NBEA: variants seen among roughly 807,000 people sequenced by gnomAD.
NBEA encodes the protein lysosomal-trafficking regulator 2.
Under a neutral mutation model 343.4 loss-of-function variants are expected in NBEA, and 44 were observed. The ratio of observed to expected loss-of-function variants is 0.13; its 90% CI spans 0.10 to 0.16. The LOEUF is 0.16. Ranked by LOEUF, NBEA falls within the 10% of genes least tolerant of loss-of-function variation. The pLI is 1.00. For synonymous variants in NBEA, 1,175 were observed against 1,238.7 expected (o/e 0.95, Z 1.08); for missense variants, 2,555 against 3,631.3 (o/e 0.70, Z 7.62).
intron 28 of NBEA, among the ~76,000 whole-genome samples, 152 bp downstream of exon 28, chr13:35,177,255 C>A (rs1418236260): frequency 6.6e-6 from 1 of 151,830 alleles, no homozygotes; most frequent in Admixed American, 6.6e-5. Flanking sequence ...AATGGTTGAA[C>A]CTTAGCTTTC....
intron 25 of NBEA, among the ~76,000 whole-genome samples, chr13:35,170,924 C>T (rs1206923732): frequency 2.0e-5 from 3 of 151,696 alleles, no homozygotes; most frequent in African/African-American, 7.3e-5. Flanking sequence ...AATTTAAAAT[C>T]TTTATAAATT....
chr13:35,095,805 A>G (rs2065304002), intron 10 of NBEA, among the ~76,000 whole-genome samples: 1 of 151,906 alleles, frequency 6.6e-6, no homozygotes, highest in Non-Finnish European at 1.5e-5. Context: ...GTTCCTAGGT[A>G]TTGCTATACT....
At chr13:35,248,528 A>G (rs1339589932) in intron 34 of NBEA, among the ~76,000 whole-genome samples, 1 of 152,208 alleles carries the variant, frequency 6.6e-6, no homozygotes, top group Non-Finnish European at 1.5e-5. Context: ...AGTCAAAACA[A>G]TGTGGCACTG....
At chr13:35,127,496 T>G (rs906435747) in intron 17 of NBEA, among the ~76,000 whole-genome samples, 3 of 152,252 alleles carry the variant, frequency 2.0e-5, no homozygotes, top group African/African-American at 7.2e-5. Flanking sequence ...ATGCTAATAA[T>G]GTACAAATGA....
intron 36 of NBEA, among the ~76,000 whole-genome samples, chr13:35,338,855 T>C (rs919166159): frequency 9.9e-5 from 15 of 152,016 alleles, no homozygotes; most frequent in African/African-American, 3.1e-4. Flanking sequence ...TGAAAATCAA[T>C]CAACGTAATA....
At chr13:35,455,397 T>TA (rs529352383) in intron 40 of NBEA, among the ~76,000 whole-genome samples, 3,126 of 126,110 alleles carry the variant, frequency 0.025, 61 homozygotes, top group East Asian at 0.06. Flanking sequence ...TTTCTGTTTA[T>TA]AAAAAAAAAA....
intron 41 of NBEA, among the ~76,000 whole-genome samples, chr13:35,514,717 G>A (rs2077418112): frequency 6.6e-6 from 1 of 152,040 alleles, no homozygotes. Context: ...CAAAAAAGAG[G>A]TCGAAAATAA....
In NBEA at chr13:35,180,769, T is replaced by A. The variant is rs2071260258; in HGVS notation, c.4663-1591T>A. Among the ~76,000 whole-genome samples the A allele has an allele frequency of 2.6e-5, 4 of 151,760 alleles. No homozygotes were observed. The Admixed American group carries it at 2.6e-4, about 10-fold the overall frequency. ...GATTTGTGAGACTTTGATGCACCCATCACCTGATCAATATACACTGACCCC... is the reference window on the plus strand; with the variant it reads ...GATTTGTGAGACTTTGATGCACCCAACACCTGATCAATATACACTGACCCC... On this transcript the variant is annotated intron_variant, in intron 28 of 58. Transcript: ENST00000379939.
At chr13:35,324,154 A>G (rs981033334) in intron 36 of NBEA, among the ~76,000 whole-genome samples, 1 of 152,192 alleles carries the variant, frequency 6.6e-6, no homozygotes, top group Admixed American at 6.5e-5. Context: ...ACAGGAAGGT[A>G]TAGATGTTGT....
intron 33 of NBEA, among the ~76,000 whole-genome samples, chr13:35,223,459 T>TC (rs1474465902): frequency 3.3e-5 from 5 of 152,246 alleles, no homozygotes; most frequent in Non-Finnish European, 7.3e-5. Context: ...GGATTTCATC[T>TC]CATTTCTTCT....
chr13:35,056,878 T>G (rs148587438), intron 7 of NBEA, among the ~76,000 whole-genome samples: 203 of 152,244 alleles, frequency 1.3e-3, no homozygotes, highest in African/African-American at 4.5e-3. Flanking sequence ...CCTGCAGTAT[T>G]GAGAATATTT....
intron 33 of NBEA, among the ~76,000 whole-genome samples, chr13:35,224,100 G>T (rs912245301): frequency 6.6e-6 from 1 of 152,146 alleles, no homozygotes; most frequent in Non-Finnish European, 1.5e-5. Flanking sequence ...GGATCTGTCT[G>T]TTTTCCTCTT....
Position 35,044,931 on chromosome 13 carries a change from T to TTATTTTCC in NBEA, c.527-14_527-7dup, listed in dbSNP as rs771617158. ...CTCATGACTAGAGTTCAGAATAACT[T>TTATTTTCC]TATTTTCCTTTGAAGATCTTCTAGT... On this transcript the variant is annotated splice_polypyrimidine_tract_variant and intron_variant, in intron 2 of 58. Coordinates refer to ENST00000379939, the MANE Select transcript of NBEA (RefSeq NM_001385012.1). The TTATTTTCC allele has an allele frequency of 6.3e-7, 1 of 1,594,314 alleles. No individual in the cohort carries two copies. The highest frequency in any genetic ancestry group is 8.6e-7 in the Non-Finnish European group (1 of 1,167,416).
At chr13:35,608,600 A>T (rs1222481784) in intron 48 of NBEA, among the ~76,000 whole-genome samples, 1 of 152,188 alleles carries the variant, frequency 6.6e-6, no homozygotes, top group Non-Finnish European at 1.5e-5. Flanking sequence ...TTCTGAGTGA[A>T]TGAATGAATT....
intron 6 of NBEA, among the ~76,000 whole-genome samples, chr13:35,054,050 T>C (rs1380089037): frequency 6.6e-6 from 1 of 152,134 alleles, no homozygotes; most frequent in African/African-American, 2.4e-5. Context: ...ATGAGTACTT[T>C]TTTTAATAGT....
At chr13:35,143,926 T>G (rs1253221121) in intron 18 of NBEA, among the ~76,000 whole-genome samples, 1 of 151,788 alleles carries the variant, frequency 6.6e-6, no homozygotes, top group Non-Finnish European at 1.5e-5. Context: ...AAAAACAAAT[T>G]TACACTTCTC....
rs759073741 is a variant in NBEA at position 35,159,683 on chromosome 13, T to C, written c.3512T>C (p.Ile1171Thr). The C allele has an allele frequency of 5.0e-6, 8 of 1,612,586 alleles. No individual in the cohort carries two copies. The highest frequency in any genetic ancestry group is 1.3e-5 in the African/African-American group (1 of 75,020). The change falls in exon 22 of 59, where the codon ATT (isoleucine) becomes ACT (threonine). Residue 1171 changes from isoleucine (I) to threonine (T), a missense_variant. This residue lies in a region of NBEA where 367 missense variants were observed against 377.5 expected (regional missense o/e 0.97). Transcript: ENST00000379939. Reference protein sequence around the residue: ...ELSSNHIIPNIQDTQVHLGVS... With the variant: ...ELSSNHIIPNTQDTQVHLGVS... ...TCTAGCAATCACATTATTCCAAATA[T>C]TCAGGACACACAAGTACATCTTGGT...
chr13:35,307,313 C>T (rs1057236865), intron 35 of NBEA, among the ~76,000 whole-genome samples: 1 of 151,994 alleles, frequency 6.6e-6, no homozygotes, highest in East Asian at 1.9e-4. Flanking sequence ...AATTACTCTT[C>T]TAAAACACTG....
intron 10 of NBEA, among the ~76,000 whole-genome samples, chr13:35,090,078 A>AAATAAATAAATT (rs1260773541): frequency 6.6e-6 from 1 of 151,176 alleles, no homozygotes; most frequent in Non-Finnish European, 1.5e-5. Flanking sequence ...ATAAATAAAT[A>AAATAAATAAATT]AATAAATAAA....
Sources: gnomAD v4.1 joint callset for allele counts (sites outside exome capture counted in the v4.1 genomes callset) on GRCh38, gnomAD v4.1.1 for gene constraint, gnomAD v4.1.1 regional missense constraint, MANE v1.5 for transcripts, NCBI Gene and HGNC (gene_info 2026-07-23, HGNC 2026-07-21) for gene names.